The following EXD3 variants were observed in gnomAD, a reference collection of about 807,000 sequenced individuals.
EXD3 encodes exonuclease 3'-5' domain containing 3, also known as exonuclease mut-7 homolog.
EXD3 carries 92 observed loss-of-function variants against 98.0 expected under a neutral mutation model. The observed-to-expected ratio is 0.94, with a 90% CI of 0.79 to 1.12. The LOEUF (loss-of-function observed/expected upper bound fraction) is 1.12. Ranked by LOEUF, EXD3 falls within the 50% of genes most tolerant of loss-of-function variation. The pLI, the probability that EXD3 is intolerant of heterozygous loss-of-function variation, is 0.00. For synonymous variants in EXD3, 569 were observed against 526.0 expected, an observed-to-expected ratio of 1.08 and a Z score of -1.12; for missense variants, 1,222 against 1,191.6, an observed-to-expected ratio of 1.03 and a Z score of -0.38.
intron 5 of EXD3, 54 bp downstream of exon 5, chr9:137,372,850 GC>G: frequency 6.4e-7 from 1 of 1,571,086 alleles, no homozygotes. Flanking sequence ...GCGCGTCCTT[GC>G]CCCACCGCCC....
Position 137,403,140 on chromosome 9 carries a change from G to A in EXD3, c.-47-7736C>T, listed in dbSNP as rs541710541. ...TTGGCTCATTTCCTGCAGGATCCCC[G>A]GCGCTGACCCCTCTCCCCTCCATGG... On this transcript the variant is annotated intron_variant, in intron 1 of 21. Coordinates refer to ENST00000340951, the MANE Select transcript of EXD3 (RefSeq NM_017820.5). This position sits in a 1 kb window ranked among gnomAD's most constrained non-coding sequence, Gnocchi z 6.1. Among the ~76,000 whole-genome samples, 7 of 151,836 alleles carry A rather than the reference G, an allele frequency of 4.6e-5. No individual in the cohort carries two copies. Among genetic ancestry groups the A allele is most frequent in the Non-Finnish European group, 7.4e-5 (5 of 67,972 alleles).
At chr9:137,348,002 G>C in intron 17 of EXD3, 69 bp downstream of exon 17, 1 of 1,496,818 alleles carries the variant, frequency 6.7e-7, no homozygotes, top group Non-Finnish European at 9.0e-7. Context: ...TTGATGCTAG[G>C]GGTGGGCACA....
At position 137,349,825 on chromosome 9, in the gene EXD3, T is replaced by C. The variant is rs1276994047; in HGVS notation, c.1495-294A>G. ...TCAGAGAGCCCGGGCCCTGAGTCTG[T>C]GTGGCCAGCTCTCTGTCTCTGTTTT... On this transcript the variant is annotated intron_variant, in intron 14 of 21. Coordinates refer to ENST00000340951, the MANE Select transcript of EXD3 (RefSeq NM_017820.5). This position sits in a 1 kb window ranked among gnomAD's most constrained non-coding sequence, Gnocchi z 7.4. 6.6e-6 allele frequency among the ~76,000 whole-genome samples: 1 copy of C among 152,120 alleles called. No individual in the cohort carries two copies. The highest frequency in any genetic ancestry group is 1.5e-5 in the Non-Finnish European group (1 of 68,006).
At position 137,402,526 on chromosome 9, in the gene EXD3, C is replaced by A. The variant is rs538863709; in HGVS notation, c.-47-7122G>T. 1.5e-4 allele frequency among the ~76,000 whole-genome samples: 23 copies of A among 152,244 alleles called. No individual in the cohort carries two copies. In the South Asian group the frequency reaches 4.8e-3, roughly 32 times the overall value. On this transcript the variant is annotated intron_variant, in intron 1 of 21. Coordinates refer to ENST00000340951, the MANE Select transcript of EXD3 (RefSeq NM_017820.5). The stretch of plus-strand genomic sequence containing the variant: ...CAAGTTCCCCATCTCCATTTGAGAC[C>A]ATCTCAGCCTGGACATTATTGTTCA...
In EXD3 at chr9:137,356,356, C is replaced by T. The variant is rs76472430; in HGVS notation, c.669G>A (p.Glu223=). The T allele has an allele frequency of 6.1e-3, 9,728 of 1,599,836 alleles. 46 individuals are homozygous for T. The highest frequency in any genetic ancestry group is 7.1e-3 in the Non-Finnish European group (8,318 of 1,173,114). ...DIKDVARRYP[E]VTSLSLEKLS... is the part of the protein sequence containing the mutation. ...GCTTCTCCAGGCTCAAGGAGGTCAC[C>T]TCAGGGTACCGTCTGTGGGGAGAGA... Residue 223 remains glutamate, a synonymous_variant, in exon 8 of 22, where the codon GAG becomes GAA. Coordinates refer to ENST00000340951, the MANE Select transcript of EXD3 (RefSeq NM_017820.5).
chr9:137,309,787 G>T, intron 19 of EXD3, 87 bp from the exon 20 acceptor site: 1 of 1,001,698 alleles, frequency 1.0e-6, no homozygotes, highest in Non-Finnish European at 1.5e-6. Flanking sequence ...TCGAAGCTCT[G>T]GGTCTGGCCA....
chr9:137,339,385 CG>C (rs1483669701), intron 17 of EXD3, among the ~76,000 whole-genome samples: 3 of 151,044 alleles, frequency 2.0e-5, no homozygotes, highest in South Asian at 2.1e-4. Flanking sequence ...CAGACCAGGC[CG>C]GGTGAGGTGC....
chr9:137,382,984 C>T (rs1000609602), intron 3 of EXD3, among the ~76,000 whole-genome samples: 11 of 152,198 alleles, frequency 7.2e-5, no homozygotes, highest in East Asian at 5.8e-4. Context: ...GGTGCTCTGG[C>T]GGTGGCAGGA....
rs1837753005 is a variant in EXD3, at chr9:137,407,097, G to A, written c.-47-11693C>T. Among the ~76,000 whole-genome samples the A allele has an allele frequency of 6.6e-6, 1 of 152,152 alleles. No individual in the cohort carries two copies. Among genetic ancestry groups the A allele is most frequent in the Non-Finnish European group, 1.5e-5 (1 of 68,012 alleles). ...GCACCGGAGCGGGCGGGCGGGGGCGGCCTGCGGAGCAGCCAGTCCCGGGCA... is the reference window on the plus strand; with the variant it reads ...GCACCGGAGCGGGCGGGCGGGGGCGACCTGCGGAGCAGCCAGTCCCGGGCA... On this transcript the variant is annotated intron_variant, in intron 1 of 21. Coordinates refer to ENST00000340951, the MANE Select transcript of EXD3 (RefSeq NM_017820.5). This position sits in a 1 kb window ranked among gnomAD's most constrained non-coding sequence, Gnocchi z 4.4.
chr9:137,377,275 T>G (rs1264915639), intron 3 of EXD3: 4 of 151,952 alleles, frequency 2.6e-5, no homozygotes, highest in African/African-American at 9.7e-5. Flanking sequence ...ATAGCGGAAC[T>G]CCGTCTCTAC....
At chr9:137,367,621 T>G in intron 6 of EXD3, 1 of 320,616 alleles carries the variant, frequency 3.1e-6, no homozygotes. Flanking sequence ...CAGAAGCACA[T>G]GGGCTGCGTG....
rs377484278 is a variant in EXD3, at chr9:137,403,905, C to T, written c.-47-8501G>A. The stretch of plus-strand genomic sequence containing the variant: ...CCGAGGCGGGGCAGTCACACCCCCA[C>T]GCCATCTCTGCATAGACCCCGAAGG... On this transcript the variant is annotated intron_variant, in intron 1 of 21. Coordinates refer to ENST00000340951, the MANE Select transcript of EXD3 (RefSeq NM_017820.5). This position sits in a 1 kb window ranked among gnomAD's most constrained non-coding sequence, Gnocchi z 6.1. 7.4e-4 allele frequency among the ~76,000 whole-genome samples: 112 copies of T among 152,322 alleles called. No individual in the cohort carries two copies. The highest frequency in any genetic ancestry group is 4.1e-3 in the Admixed American group (63 of 15,306).
intron 17 of EXD3, among the ~76,000 whole-genome samples, chr9:137,335,367 A>C (rs1314320239): frequency 6.6e-6 from 1 of 152,198 alleles, no homozygotes; most frequent in African/African-American, 2.4e-5. Context: ...ACCTTGCCCT[A>C]GCCAGAATAG....
chr9:137,377,631 G>A (rs1261795476), intron 3 of EXD3, among the ~76,000 whole-genome samples: 1 of 151,000 alleles, frequency 6.6e-6, no homozygotes, highest in Non-Finnish European at 1.5e-5. Context: ...TGAGGCAGGA[G>A]AATCGCTTGA....
chr9:137,415,180 G>A (rs1243937609), intron 1 of EXD3, among the ~76,000 whole-genome samples: 4 of 149,048 alleles, frequency 2.7e-5, no homozygotes, highest in East Asian at 4.0e-4. Flanking sequence ...GAGCCACTGC[G>A]CTGGGCCTGT....
At chr9:137,325,686 G>T (rs1275756735) in intron 17 of EXD3, among the ~76,000 whole-genome samples, 1 of 152,130 alleles carries the variant, frequency 6.6e-6, no homozygotes, top group East Asian at 1.9e-4. Flanking sequence ...GTCTGCCTTG[G>T]CTTGCTAAAG....
intron 2 of EXD3, chr9:137,392,689 GC>G (rs1430225437): frequency 5.9e-6 from 2 of 338,178 alleles, no homozygotes; most frequent in Admixed American, 4.1e-5. Context: ...TCCAGGGGGT[GC>G]TGTGTCTGTT....
At chr9:137,375,651 T>C (rs1835861680) in intron 3 of EXD3, among the ~76,000 whole-genome samples, 1 of 152,092 alleles carries the variant, frequency 6.6e-6, no homozygotes, top group Non-Finnish European at 1.5e-5. Flanking sequence ...CTCTAGTGAG[T>C]TCTAGCTCTA....
intron 7 of EXD3, chr9:137,366,078 C>G (rs1588357254): frequency 1.5e-6 from 1 of 685,746 alleles, no homozygotes; most frequent in Non-Finnish European, 2.7e-6. Flanking sequence ...TCCATACAGG[C>G]ACCATATGGG....
Sources: allele counts gnomAD v4.1 joint callset (sites outside exome capture counted in the v4.1 genomes callset), GRCh38; gene constraint gnomAD v4.1.1; non-coding constraint Gnocchi (gnomAD v3.1); transcripts MANE v1.5; gene names NCBI Gene and HGNC (gene_info 2026-07-23, HGNC 2026-07-21).